Variants in ZNF385D observed in about 807,000 individuals in gnomAD.
ZNF385D encodes the protein zinc finger protein 659.
Under a neutral mutation model 35.8 loss-of-function variants are expected in ZNF385D, and 15 were observed. The observed-to-expected ratio is 0.42, with a 90% CI of 0.28 to 0.64. The LOEUF is 0.64. ZNF385D is among the 30% of genes least tolerant of loss of function. The pLI is 0.23. For missense variants in ZNF385D, 474 were observed against 494.6 expected, an observed-to-expected ratio of 0.96 and a Z score of 0.39; for synonymous variants, 212 against 186.8, an observed-to-expected ratio of 1.13 and a Z score of -1.10.
At chr3:21,978,390 C>G (rs2291817) in intron 3 of ZNF385D, 55,769 of 152,118 alleles carry the variant, frequency 0.37, 10,590 homozygotes, top group Non-Finnish European at 0.42. Flanking sequence ...AGATATGCTA[C>G]GTGTTTTGCC....
At chr3:21,915,401 A>G (rs1700146162) in intron 3 of ZNF385D, among the ~76,000 whole-genome samples, 1 of 152,142 alleles carries the variant, frequency 6.6e-6, no homozygotes, top group Non-Finnish European at 1.5e-5. Flanking sequence ...TGAACCATTT[A>G]ATAGCATTGT....
At chr3:21,839,725 C>T (rs1265286999) in intron 3 of ZNF385D, among the ~76,000 whole-genome samples, 1 of 152,052 alleles carries the variant, frequency 6.6e-6, no homozygotes, top group Non-Finnish European at 1.5e-5. Context: ...TTATTTGGAA[C>T]ATTTCCCAGA....
At chr3:21,606,313 T>A (rs2064482295) in intron 2 of ZNF385D, among the ~76,000 whole-genome samples, 1 of 152,174 alleles carries the variant, frequency 6.6e-6, no homozygotes, top group Admixed American at 6.5e-5. Flanking sequence ...CATGACATAT[T>A]CATTCCTGTA....
At chr3:21,904,350 T>C (rs1001358277) in intron 3 of ZNF385D, among the ~76,000 whole-genome samples, 1 of 149,884 alleles carries the variant, frequency 6.7e-6, no homozygotes. Context: ...AGATTCAATA[T>C]GCATTTTAAC....
chr3:22,257,773 G>A (rs1453042556), intron 2 of ZNF385D, among the ~76,000 whole-genome samples: 2 of 151,822 alleles, frequency 1.3e-5, no homozygotes, highest in Non-Finnish European at 3.0e-5. Flanking sequence ...TAAAACTGTT[G>A]TTACAGTGGC....
chr3:21,902,105 C>A (rs765622717), intron 3 of ZNF385D, among the ~76,000 whole-genome samples: 1 of 152,076 alleles, frequency 6.6e-6, no homozygotes, highest in Non-Finnish European at 1.5e-5. Context: ...TTAAAAGTTT[C>A]TTTCATTCAT....
intron 3 of ZNF385D, among the ~76,000 whole-genome samples, chr3:21,998,921 C>A (rs1216440179): frequency 6.6e-6 from 1 of 151,956 alleles, no homozygotes; most frequent in Non-Finnish European, 1.5e-5. Flanking sequence ...TATATTAAAG[C>A]AGAAATTTTC....
chr3:22,158,742 G>A (rs1705752214), intron 3 of ZNF385D, among the ~76,000 whole-genome samples: 1 of 151,838 alleles, frequency 6.6e-6, no homozygotes, highest in Non-Finnish European at 1.5e-5. Context: ...AAAACACGGT[G>A]GTTAAGAGAA....
At chr3:21,598,582 AAAAGGC>A (rs2064190814) in intron 2 of ZNF385D, among the ~76,000 whole-genome samples, 1 of 152,210 alleles carries the variant, frequency 6.6e-6, no homozygotes, top group South Asian at 2.1e-4. Context: ...CCCAACAGAC[AAAAGGC>A]TAGAGTCTCA....
intron 3 of ZNF385D, among the ~76,000 whole-genome samples, chr3:22,001,299 T>C (rs893895104): frequency 1.4e-5 from 2 of 145,838 alleles, no homozygotes; most frequent in African/African-American, 2.6e-5. Context: ...TGGAAAAAGA[T>C]ATTCCATGCA....
intron 4 of ZNF385D, among the ~76,000 whole-genome samples, chr3:21,452,069 A>G (rs1248033198): frequency 6.6e-6 from 1 of 152,066 alleles, no homozygotes; most frequent in Non-Finnish European, 1.5e-5. Context: ...GACTAATTTT[A>G]TAGCACTTAG....
At chr3:22,231,138 C>A (rs920683033) in intron 2 of ZNF385D, among the ~76,000 whole-genome samples, 4 of 151,946 alleles carry the variant, frequency 2.6e-5, no homozygotes, top group African/African-American at 9.7e-5. Context: ...AAAAGAAGTT[C>A]AAAAAATAAA....
chr3:21,506,831 A>T (rs1051390654), intron 4 of ZNF385D, among the ~76,000 whole-genome samples: 6 of 152,172 alleles, frequency 3.9e-5, no homozygotes, highest in African/African-American at 1.4e-4. Flanking sequence ...ACAAGAACTA[A>T]AATTGTTCTT....
chr3:21,953,644 T>C (rs1423480555), intron 3 of ZNF385D, among the ~76,000 whole-genome samples: 1 of 152,080 alleles, frequency 6.6e-6, no homozygotes, highest in Non-Finnish European at 1.5e-5. Flanking sequence ...CTGTGTTTTC[T>C]AAACATTCAA....
At chr3:22,035,001 T>A (rs1038098741) in intron 3 of ZNF385D, among the ~76,000 whole-genome samples, 1 of 152,224 alleles carries the variant, frequency 6.6e-6, no homozygotes. Flanking sequence ...AATTTTTATA[T>A]TGTTTTGTAC....
At chr3:21,460,355 C>A (rs978659515) in intron 4 of ZNF385D, among the ~76,000 whole-genome samples, 1 of 152,106 alleles carries the variant, frequency 6.6e-6, no homozygotes, top group South Asian at 2.1e-4. Flanking sequence ...TTCATAGACA[C>A]CAGATCGTGT....
chr3:21,558,526 T>C (rs61350442), intron 3 of ZNF385D, among the ~76,000 whole-genome samples: 4 of 152,028 alleles, frequency 2.6e-5, no homozygotes, highest in African/African-American at 7.2e-5. Context: ...GAGAATGTTA[T>C]GATTTCCATT....
intron 3 of ZNF385D, among the ~76,000 whole-genome samples, chr3:22,154,730 A>T (rs1259185022): frequency 6.6e-6 from 1 of 152,156 alleles, no homozygotes; most frequent in Admixed American, 6.6e-5. Flanking sequence ...ACATCTTCCC[A>T]AATCACATGT....
chr3:22,250,346 T>C (rs935796452), intron 2 of ZNF385D, among the ~76,000 whole-genome samples: 1 of 148,896 alleles, frequency 6.7e-6, no homozygotes, highest in Non-Finnish European at 1.5e-5. Context: ...ATTTAGATTT[T>C]AAGAAACACT....
Sources: allele counts gnomAD v4.1 joint callset (sites outside exome capture counted in the v4.1 genomes callset), GRCh38; gene constraint gnomAD v4.1.1; transcripts MANE v1.5; gene names NCBI Gene and HGNC (gene_info 2026-07-23, HGNC 2026-07-21).